Variants in PMVK observed in about 807,000 individuals in gnomAD.
The protein encoded by PMVK is testis tissue sperm-binding protein Li 95mP.
Under a neutral mutation model 19.0 loss-of-function variants are expected in PMVK, and 10 were observed. The ratio of observed to expected loss-of-function variants is 0.53; its 90% confidence interval spans 0.32 to 0.89. The LOEUF (loss-of-function observed/expected upper bound fraction) is 0.89. PMVK is among the 40% of genes least tolerant of loss of function. The pLI is 0.03. For synonymous variants in PMVK, 108 were observed against 101.6 expected, an observed-to-expected ratio of 1.06 and a Z score of -0.38; for missense variants, 222 against 251.1, an observed-to-expected ratio of 0.88 and a Z score of 0.78.
Position 154,925,001 on chromosome 1 carries a change from A to T in PMVK, c.*128T>A. The T allele has an allele frequency of 5.0e-6, 3 of 602,610 alleles. No individual in the cohort carries two copies. The highest frequency in any genetic ancestry group is 8.3e-6 in the Non-Finnish European group (3 of 361,512). 37.3% of individuals were successfully genotyped at this position (602,610 alleles called of 1,614,324 possible). ...TTCCTGCCTTGCCCAATATCCACCA[A>T]CCCCCTCAGAATCTAGACCCCCCCT... On this transcript the variant is annotated 3_prime_UTR_variant, in exon 5 of 5. Coordinates refer to ENST00000368467, the MANE Select transcript of PMVK (RefSeq NM_006556.4).
At chr1:154,942,328 G>A in the PMVK span, among the ~76,000 whole-genome samples, 1 of 152,240 alleles carries the variant, frequency 6.6e-6, no homozygotes, top group Non-Finnish European at 1.5e-5. Flanking sequence ...AGGCCTGTGG[G>A]AAGGAGGGAA....
At chr1:154,932,786 G>C (rs933551995) in intron 1 of PMVK, among the ~76,000 whole-genome samples, 1 of 152,162 alleles carries the variant, frequency 6.6e-6, no homozygotes, top group African/African-American at 2.4e-5. Flanking sequence ...CACTGACTTG[G>C]TCACCATAAC....
upstream of PMVK, among the ~76,000 whole-genome samples, chr1:154,938,363 G>A (rs546008697): frequency 6.6e-6 from 1 of 152,318 alleles, no homozygotes; most frequent in Admixed American, 6.5e-5. Context: ...GGAGGCCAAG[G>A]CGGATCACCT....
rs962838672 is a variant in PMVK, at chr1:154,927,480, A to G, written c.313-997T>C. Among the ~76,000 whole-genome samples, 63 of 146,266 alleles carry G rather than the reference A, an allele frequency of 4.3e-4. 1 individual carries two copies. The highest frequency in any genetic ancestry group is 1.6e-3 in the African/African-American group (62 of 39,810). Reference sequence around the variant, plus strand: ...AAAAAAAAAAAAAAAAAAAAAACACAGGAAAGTCCTCCACCCGGCCCCTGT... The same window carrying G: ...AAAAAAAAAAAAAAAAAAAAAACACGGGAAAGTCCTCCACCCGGCCCCTGT... On this transcript the variant is annotated intron_variant, in intron 3 of 4. Coordinates refer to ENST00000368467, the MANE Select transcript of PMVK (RefSeq NM_006556.4).
chr1:154,936,845 G>A (rs1654524609), upstream of PMVK: 2 of 633,084 alleles, frequency 3.2e-6, no homozygotes, highest in African/African-American at 1.8e-5. Context: ...GCCCGCGACC[G>A]TGCCCTCAGC....
chr1:154,935,058 C>CAAAA (rs569402578), intron 1 of PMVK, among the ~76,000 whole-genome samples: 2 of 22,262 alleles, frequency 9.0e-5, no homozygotes, highest in Non-Finnish European at 1.3e-4. Flanking sequence ...GACTCCGTCT[C>CAAAA]AAAAAAAAAA....
intron 3 of PMVK, among the ~76,000 whole-genome samples, chr1:154,926,907 C>T (rs1482261573): frequency 2.6e-5 from 4 of 152,138 alleles, no homozygotes; most frequent in African/African-American, 9.7e-5. Context: ...AACCTCAACA[C>T]GGCTGAAACT....
At chr1:154,942,170 A>G in the PMVK span, among the ~76,000 whole-genome samples, 11 of 152,328 alleles carry the variant, frequency 7.2e-5, no homozygotes, top group African/African-American at 2.4e-4. Flanking sequence ...CCCAGCGGAA[A>G]AGGCAGAAAG....
the PMVK span, among the ~76,000 whole-genome samples, chr1:154,942,560 G>C: frequency 1.3e-5 from 2 of 152,230 alleles, no homozygotes; most frequent in Non-Finnish European, 2.9e-5. Context: ...TGGCATCCCA[G>C]CCCTCCCCAA....
At chr1:154,935,073 A>C (rs1272054636) in intron 1 of PMVK, among the ~76,000 whole-genome samples, 2 of 151,002 alleles carry the variant, frequency 1.3e-5, no homozygotes, top group African/African-American at 4.9e-5. Context: ...AAAAAAAAAA[A>C]AAAAAAAAAA....
At chr1:154,933,661 T>G (rs1389675588) in intron 1 of PMVK, among the ~76,000 whole-genome samples, 3 of 151,176 alleles carry the variant, frequency 2.0e-5, no homozygotes, top group Non-Finnish European at 4.4e-5. Context: ...ACCCGGCTAA[T>G]TTTTGTATTT....
At chr1:154,933,081 C>A (rs1429267088) in intron 1 of PMVK, among the ~76,000 whole-genome samples, 2 of 152,000 alleles carry the variant, frequency 1.3e-5, no homozygotes, top group Non-Finnish European at 2.9e-5. Context: ...TGTATGCCAG[C>A]CTGGGAGACA....
chr1:154,928,255 T>C (rs948909734), intron 3 of PMVK, among the ~76,000 whole-genome samples: 1 of 152,172 alleles, frequency 6.6e-6, no homozygotes, highest in Non-Finnish European at 1.5e-5. Context: ...TGGAAGGGCA[T>C]GTGCAAAGGC....
At chr1:154,928,257 T>A (rs1293074191) in intron 3 of PMVK, among the ~76,000 whole-genome samples, 1 of 152,156 alleles carries the variant, frequency 6.6e-6, no homozygotes, top group Non-Finnish European at 1.5e-5. Flanking sequence ...GAAGGGCATG[T>A]GCAAAGGCCC....
intron 2 of PMVK, among the ~76,000 whole-genome samples, chr1:154,929,485 C>T (rs1654271241): frequency 6.6e-6 from 1 of 152,140 alleles, no homozygotes; most frequent in South Asian, 2.1e-4. Context: ...TAAACTAATA[C>T]TGAAATTAGT....
At chr1:154,926,589 C>G (rs559429476) in intron 3 of PMVK, 106 bp from the exon 4 acceptor site, 21 of 889,534 alleles carry the variant, frequency 2.4e-5, no homozygotes, top group Admixed American at 4.7e-5. Flanking sequence ...GCTCTACCCC[C>G]CCATCATCGT....
chr1:154,926,584 A>C (rs1294606127), intron 3 of PMVK, 101 bp from the exon 4 acceptor site: 1 of 952,274 alleles, frequency 1.1e-6, no homozygotes, highest in South Asian at 1.7e-5. Context: ...GTGTGGCTCT[A>C]CCCCCCCATC....
At position 154,925,162 on chromosome 1, in the gene PMVK, C is replaced by G; in HGVS notation, c.546G>C (p.Glu182Asp). ...TGGAGCGGATAAATTCTATCAGGTT[C>G]TCCAACTGCTCCTCCAGGCGCTGTT... ...GVEQRLEEQL[E>D]NLIEFIRSRL Residue 182 changes from glutamate to aspartate, a missense_variant, in exon 5 of 5, where the codon GAG becomes GAC. Transcript: ENST00000368467. 1.3e-6 allele frequency: 2 copies of G among 1,595,666 alleles called. No homozygotes were observed.
chr1:154,927,499 C>G (rs1413798587), intron 3 of PMVK, among the ~76,000 whole-genome samples: 1 of 151,574 alleles, frequency 6.6e-6, no homozygotes, highest in Non-Finnish European at 1.5e-5. Flanking sequence ...CTCCACCCGG[C>G]CCCTGTGCTT....
Sources: gnomAD v4.1 joint callset for allele counts (sites outside exome capture counted in the v4.1 genomes callset) on GRCh38, gnomAD v4.1.1 for gene constraint, MANE v1.5 for transcripts, NCBI Gene and HGNC (gene_info 2026-07-23, HGNC 2026-07-21) for gene names.